Variants in HOXD3 observed in about 807,000 individuals in gnomAD.
HOXD3 encodes homeobox D3.
Under a neutral mutation model 32.8 loss-of-function variants are expected in HOXD3, and 13 were observed. The ratio of observed to expected loss-of-function variants is 0.40; its 90% CI spans 0.26 to 0.63. HOXD3 has a LOEUF of 0.63. Among genes scored for constraint, HOXD3 ranks in the 20% least tolerant of loss-of-function variants. The pLI is 0.44. For missense variants in HOXD3, 504 were observed against 577.1 expected, an observed-to-expected ratio of 0.87 and a Z score of 1.30; for synonymous variants, 241 against 246.8, an observed-to-expected ratio of 0.98 and a Z score of 0.22.
chr2:176,171,424 A>G, intron 3 of HOXD3, 93 bp from the exon 4 acceptor site: 1 of 1,135,782 alleles, frequency 8.8e-7, no homozygotes, highest in Non-Finnish European at 1.2e-6. Flanking sequence ...GGGGGGAGGG[A>G]GGAGGAAAAG....
chr2:176,159,684 A>G (rs1690735796), intron 1 of HOXD3, among the ~76,000 whole-genome samples: 2 of 152,290 alleles, frequency 1.3e-5, no homozygotes, highest in African/African-American at 4.8e-5. Flanking sequence ...CCCACCAGCC[A>G]CTCGGAGAGT....
At position 176,169,089 on chromosome 2, in the gene HOXD3, G is replaced by A. The variant is rs1194427306; in HGVS notation, c.-26G>A. On this transcript the variant is annotated 5_prime_UTR_variant, in exon 3 of 4. Transcript: ENST00000683222. ...TCAGGATTCAGCAGACATTGGAGGT[G>A]GCAGTGAAGGATACAGTGGTAGTCA... 9 of 1,572,692 alleles carry A rather than the reference G, an allele frequency of 5.7e-6. No homozygotes were observed. The highest frequency in any genetic ancestry group is 7.8e-6 in the Non-Finnish European group (9 of 1,156,948).
At chr2:176,156,005 A>G (rs904406630), upstream of HOXD3, among the ~76,000 whole-genome samples, 3 of 152,188 alleles carry the variant, frequency 2.0e-5, no homozygotes, top group Non-Finnish European at 2.9e-5. Flanking sequence ...TATTATTTAT[A>G]CTAATTGTTG....
rs74698314 is a variant in HOXD3 at position 176,169,488 on chromosome 2, C to A, written c.374C>A (p.Thr125Asn). ...QPPQPPPPPPTLPPSSPTNPG... is the reference protein window; with the variant it reads ...QPPQPPPPPPNLPPSSPTNPG... The stretch of plus-strand genomic sequence containing the variant: ...CCACAACCCCCTCCTCCACCACCGA[C>A]CCTGCCCCCATCTTCACCCACCAAT... Residue 125 changes from threonine to asparagine, a missense_variant, in exon 3 of 4, where the codon ACC becomes AAC. Physicochemically the swap from Thr to Asn is moderately conservative, Grantham distance 65. This residue lies in a region of HOXD3 where 181 missense variants were observed against 172.2 expected (regional missense o/e 1.05). Transcript: ENST00000683222. The A allele has an allele frequency of 7.9e-4, 1,271 of 1,613,912 alleles. 7 individuals are homozygous for A. In the African/African-American group the frequency reaches 0.015, roughly 19 times the overall value.
At chr2:176,167,637 G>A (rs1048660437) in intron 2 of HOXD3, among the ~76,000 whole-genome samples, 11 of 149,888 alleles carry the variant, frequency 7.3e-5, no homozygotes, top group African/African-American at 2.7e-4. Context: ...TGGACTATCT[G>A]GACTTTCATG....
intron 1 of HOXD3, chr2:176,160,989 G>C (rs1330376544): frequency 6.6e-6 from 1 of 152,266 alleles, no homozygotes; most frequent in Non-Finnish European, 1.5e-5. Flanking sequence ...GGACAGTGTT[G>C]TCTGCAGACA....
At chr2:176,154,548 A>G (rs1052625879), upstream of HOXD3, among the ~76,000 whole-genome samples, 1 of 152,216 alleles carries the variant, frequency 6.6e-6, no homozygotes, top group African/African-American at 2.4e-5. Flanking sequence ...TACTTCAAAA[A>G]CACTTTAGAA....
chr2:176,152,928 C>T (rs1415635710), upstream of HOXD3: 2 of 1,614,056 alleles, frequency 1.2e-6, no homozygotes, highest in Non-Finnish European at 1.7e-6. This position sits in a 1 kb window ranked among gnomAD's most constrained non-coding sequence, Gnocchi z 5.2. Flanking sequence ...CCACACGGAC[C>T]TGACGACCTT....
chr2:176,171,270 G>T (rs1001154091), intron 3 of HOXD3, among the ~76,000 whole-genome samples: 1 of 152,176 alleles, frequency 6.6e-6, no homozygotes, highest in African/African-American at 2.4e-5. Flanking sequence ...AGGGTGGGCA[G>T]AGTGAACTGG....
upstream of HOXD3, chr2:176,152,631 G>A: frequency 6.2e-7 from 1 of 1,614,064 alleles, no homozygotes; most frequent in Non-Finnish European, 8.5e-7. This position sits in a 1 kb window ranked among gnomAD's most constrained non-coding sequence, Gnocchi z 5.2. Context: ...CACCGGTGGG[G>A]AACCCAAGCG....
In HOXD3 at chr2:176,169,341, T is replaced by G. The variant is rs1691098150; in HGVS notation, c.227T>G (p.Leu76Arg). The G allele has an allele frequency of 3.7e-6, 6 of 1,613,944 alleles. No individual in the cohort carries two copies. The East Asian group carries it at 1.3e-4, about 36-fold the overall frequency. The change falls in exon 3 of 4, where the codon CTG (leucine) becomes CGG (arginine). Residue 76 changes from leucine to arginine, a missense_variant. Physicochemically the swap from Leu to Arg is moderately radical, Grantham distance 102. Coordinates refer to ENST00000683222, the MANE Select transcript of HOXD3 (RefSeq NM_006898.5). ...SACSIQSSAPLRAPAHKGAEL... is the reference protein window; with the variant it reads ...SACSIQSSAPRRAPAHKGAEL... Reference sequence around the variant, plus strand: ...TGCTCCATCCAGAGCTCTGCCCCTCTGAGAGCCCCAGCCCACAAAGGAGCT... The same window carrying G: ...TGCTCCATCCAGAGCTCTGCCCCTCGGAGAGCCCCAGCCCACAAAGGAGCT...
chr2:176,152,603 C>G (rs895888531), upstream of HOXD3: 23 of 1,612,676 alleles, frequency 1.4e-5, no homozygotes, highest in Non-Finnish European at 2.0e-5. The surrounding 1 kb of genome is among the most constrained non-coding windows in gnomAD (Gnocchi z 5.2). Flanking sequence ...TGTTTTGTCT[C>G]GCAGTGAACC....
rs1691174119 is a variant in HOXD3 at position 176,171,392 on chromosome 2, C to T, written c.542-125C>T. 4.3e-6 allele frequency: 4 copies of T among 934,504 alleles called. No homozygotes were observed. In the African/African-American group the frequency reaches 5.0e-5, roughly 12 times the overall value. The allele number at this position is 934,504 out of a possible 1,614,324, so 57.9% of individuals were successfully genotyped here. On this transcript the variant is annotated intron_variant, in intron 3 of 3. Transcript: ENST00000683222. ...TCATACCTCTCAAACGGCCCTTCCC[C>T]TCCCCAGCCAGGATTGGAGGTGGGG...
chr2:176,165,868 A>T (rs1690957368), intron 2 of HOXD3, among the ~76,000 whole-genome samples: 1 of 152,142 alleles, frequency 6.6e-6, no homozygotes, highest in Non-Finnish European at 1.5e-5. Context: ...GCCACTGAAC[A>T]GTTGACCATT....
intron 1 of HOXD3, among the ~76,000 whole-genome samples, chr2:176,161,306 A>G (rs1690795819): frequency 6.6e-6 from 1 of 152,194 alleles, no homozygotes; most frequent in Non-Finnish European, 1.5e-5. Context: ...CCAAAGGGTT[A>G]GGAGGACACT....
Position 176,168,991 on chromosome 2 carries a change from A to T in HOXD3, c.-84-40A>T, listed in dbSNP as rs543632641. The T allele has an allele frequency of 2.8e-6, 4 of 1,440,824 alleles. No individual in the cohort carries two copies. In the South Asian group the frequency reaches 4.4e-5, roughly 16 times the overall value. 89.3% of individuals were successfully genotyped at this position (1,440,824 alleles called of 1,614,324 possible). A position where few individuals can be genotyped will look rare whatever the true frequency, so the allele number is the denominator to read the frequency against. On this transcript the variant is annotated intron_variant, in intron 2 of 3. Coordinates refer to ENST00000683222, the MANE Select transcript of HOXD3 (RefSeq NM_006898.5). ...CCTTCTATATTGACTGGTCTTGCCA[A>T]TGACACTCCCTCTGGGGCCTCTTGC...
chr2:176,153,161 T>G, upstream of HOXD3: 1 of 580,290 alleles, frequency 1.7e-6, no homozygotes, highest in Admixed American at 3.0e-5. Flanking sequence ...TCTCTCTAAG[T>G]ATATTATATG....
chr2:176,162,797 C>A (rs749104222), intron 1 of HOXD3, among the ~76,000 whole-genome samples: 1 of 152,210 alleles, frequency 6.6e-6, no homozygotes, highest in Non-Finnish European at 1.5e-5. Context: ...GTGGCGGCCC[C>A]GGGTGACCTC....
At chr2:176,167,029 C>A (rs1045189972) in intron 2 of HOXD3, among the ~76,000 whole-genome samples, 32 of 152,206 alleles carry the variant, frequency 2.1e-4, no homozygotes, top group African/African-American at 3.6e-4. Flanking sequence ...GAATTGAGAC[C>A]AGGGAGCTGA....
Sources: gnomAD v4.1 joint callset for allele counts (sites outside exome capture counted in the v4.1 genomes callset) on GRCh38, gnomAD v4.1.1 for gene constraint, gnomAD v4.1.1 regional missense constraint, Gnocchi (gnomAD v3.1) non-coding constraint, MANE v1.5 for transcripts, NCBI Gene and HGNC (gene_info 2026-07-23, HGNC 2026-07-21) for gene names.